NEURL1B: variants seen among roughly 807,000 people sequenced by gnomAD.
NEURL1B encodes the protein E3 ubiquitin-protein ligase NEURL1B.
In NEURL1B, 13 loss-of-function variants were observed where a neutral mutation model predicts 37.4. The observed-to-expected ratio is 0.35, with a 90% confidence interval of 0.23 to 0.55. The LOEUF (loss-of-function observed/expected upper bound fraction) is 0.55, where lower values mean the gene tolerates loss of function less well. Ranked by LOEUF, NEURL1B falls within the 20% of genes least tolerant of loss-of-function variation. NEURL1B has a pLI of 0.89. For synonymous variants in NEURL1B, 432 were observed against 426.6 expected, an observed-to-expected ratio of 1.01 and a Z score of -0.16; for missense variants, 790 against 879.2, an observed-to-expected ratio of 0.90 and a Z score of 1.28.
intron 1 of NEURL1B, among the ~76,000 whole-genome samples, chr5:172,668,054 G>T (rs1241766369): frequency 6.6e-6 from 1 of 151,940 alleles, no homozygotes; most frequent in Non-Finnish European, 1.5e-5. Context: ...ACTCATCAGG[G>T]AGGCCCTTCC....
intron 1 of NEURL1B, among the ~76,000 whole-genome samples, chr5:172,653,716 T>C (rs1382996234): frequency 1.3e-5 from 2 of 152,242 alleles, no homozygotes; most frequent in Non-Finnish European, 2.9e-5. Flanking sequence ...TATAATCCTT[T>C]TACTAAAAGT....
Position 172,683,165 on chromosome 5 carries a change from G to T in NEURL1B, c.578-254G>T, listed in dbSNP as rs1758395871. Among the ~76,000 whole-genome samples, 1 of 152,186 alleles carries T rather than the reference G, an allele frequency of 6.6e-6. No individual in the cohort carries two copies. Among genetic ancestry groups the T allele is most frequent in the Admixed American group, 6.5e-5 (1 of 15,284 alleles). On this transcript the variant is annotated intron_variant, in intron 2 of 4. Coordinates refer to ENST00000369800, the MANE Select transcript of NEURL1B (RefSeq NM_001142651.3). This position sits in a 1 kb window ranked among gnomAD's most constrained non-coding sequence, Gnocchi z 5.6. ...GAAAGGAGGAGGCAGGGGAAAAAGG[G>T]CCTTATCTGCCGCTCCCAAAGGTAA...
chr5:172,684,335 G>T (rs867485936), intron 3 of NEURL1B, among the ~76,000 whole-genome samples, 197 bp downstream of exon 3: 6 of 152,130 alleles, frequency 3.9e-5, no homozygotes, highest in Non-Finnish European at 8.8e-5. Context: ...CAGAGTTCCG[G>T]ATTCAGTGGG....
intron 2 of NEURL1B, among the ~76,000 whole-genome samples, chr5:172,673,904 C>T (rs868019050): frequency 6.6e-6 from 1 of 151,864 alleles, no homozygotes; most frequent in South Asian, 2.1e-4. Context: ...TTTGGGAGGC[C>T]GAGGCAGGCG....
At position 172,657,089 on chromosome 5, in the gene NEURL1B, C is replaced by A. The variant is rs1193255302; in HGVS notation, c.32-12696C>A. ...ATGGATGACTGGTTGGCTAGGGAAG[C>A]AATTCTGCATGATAACCAACAGCAT... is the stretch of plus-strand genomic sequence containing the variant. On this transcript the variant is annotated intron_variant, in intron 1 of 4. Transcript: ENST00000369800. The surrounding 1 kb of genome is among the most constrained non-coding windows in gnomAD (Gnocchi z 4.0). 2.6e-5 allele frequency among the ~76,000 whole-genome samples: 4 copies of A among 152,228 alleles called. No homozygotes were observed. In the East Asian group the frequency reaches 5.8e-4, roughly 22 times the overall value.
At chr5:172,674,151 A>G (rs1274451776) in intron 2 of NEURL1B, among the ~76,000 whole-genome samples, 1 of 143,178 alleles carries the variant, frequency 7.0e-6, no homozygotes, top group Non-Finnish European at 1.5e-5. Flanking sequence ...AAAAAAAAAA[A>G]TTAAATTAAA....
chr5:172,650,112 A>G (rs903052405), intron 1 of NEURL1B, among the ~76,000 whole-genome samples: 83 of 152,216 alleles, frequency 5.5e-4, no homozygotes, highest in African/African-American at 2.0e-3. Context: ...CATTGTTTAT[A>G]TCACAATTGC....
intron 2 of NEURL1B, among the ~76,000 whole-genome samples, chr5:172,671,210 C>A (rs1201621969): frequency 6.6e-6 from 1 of 152,188 alleles, no homozygotes; most frequent in Non-Finnish European, 1.5e-5. Flanking sequence ...CTCGCTCCAG[C>A]CCCGGCAACC....
intron 1 of NEURL1B, among the ~76,000 whole-genome samples, chr5:172,652,047 A>C (rs1757675736): frequency 6.6e-6 from 1 of 152,218 alleles, no homozygotes; most frequent in Non-Finnish European, 1.5e-5. Context: ...ACAAGGGCTG[A>C]CTTATTGGTA....
At chr5:172,662,951 G>A (rs1757930500) in intron 1 of NEURL1B, among the ~76,000 whole-genome samples, 1 of 150,802 alleles carries the variant, frequency 6.6e-6, no homozygotes, top group African/African-American at 2.4e-5. Flanking sequence ...GTTAGGCTGG[G>A]CATGGTGGCT....
At chr5:172,645,436 T>C (rs947937099) in intron 1 of NEURL1B, among the ~76,000 whole-genome samples, 2 of 152,200 alleles carry the variant, frequency 1.3e-5, no homozygotes, top group African/African-American at 4.8e-5. Flanking sequence ...GCTCCCTGAC[T>C]TCCCATCTGA....
intron 1 of NEURL1B, among the ~76,000 whole-genome samples, chr5:172,663,829 T>TTTTTTTTTATTATCATTATTATTATTA (rs138220033): frequency 7.1e-6 from 1 of 140,826 alleles, no homozygotes; most frequent in African/African-American, 2.6e-5. Flanking sequence ...GTTTTATTTG[T>TTTTTTTTTATTATCATTATTATTATTA]TTATTATTAT....
chr5:172,668,344 A>G (rs1758053927), intron 1 of NEURL1B, among the ~76,000 whole-genome samples: 1 of 151,996 alleles, frequency 6.6e-6, no homozygotes, highest in African/African-American at 2.4e-5. Context: ...TGGCTTTTTT[A>G]TTCCTTATAT....
Position 172,686,302 on chromosome 5 carries a change from G to C in NEURL1B, c.1423+6G>C, listed in dbSNP as rs1377184812. The stretch of plus-strand genomic sequence containing the variant: ...GGCATCTGAGTCATCCCTGGGTAAG[G>C]AAATGCAAACCCTGGCAGGGGCAGG... On this transcript the variant is annotated splice_donor_region_variant and intron_variant, in intron 4 of 4. Coordinates refer to ENST00000369800, the MANE Select transcript of NEURL1B (RefSeq NM_001142651.3). This position sits in a 1 kb window ranked among gnomAD's most constrained non-coding sequence, Gnocchi z 7.9. The C allele has an allele frequency of 6.4e-7, 1 of 1,551,576 alleles. No individual in the cohort carries two copies. Among genetic ancestry groups the C allele is most frequent in the Non-Finnish European group, 8.7e-7 (1 of 1,146,936 alleles).
At chr5:172,672,060 A>G (rs1004197762) in intron 2 of NEURL1B, among the ~76,000 whole-genome samples, 6 of 152,248 alleles carry the variant, frequency 3.9e-5, no homozygotes, top group African/African-American at 1.2e-4. Context: ...GTTACATGAG[A>G]TGATGTCTGA....
Position 172,683,438 on chromosome 5 carries a change from G to A in NEURL1B, c.597G>A (p.Thr199=), listed in dbSNP as rs1009052441. ...GCACAGAGAGCGCCTTCGCTGACAC[G>A]CTGACGCCCGCGCGCCTCAGCCAGG... The part of the protein sequence containing the change: ...VQLLESAFAD[T]LTPARLSQAR... Residue 199 remains threonine, a synonymous_variant, in exon 3 of 5, where the codon ACG becomes ACA. Transcript: ENST00000369800. This position sits in a 1 kb window ranked among gnomAD's most constrained non-coding sequence, Gnocchi z 5.6. The A allele has an allele frequency of 1.4e-6, 2 of 1,435,388 alleles. No individual in the cohort carries two copies. Among genetic ancestry groups the A allele is most frequent in the Non-Finnish European group, 9.1e-7 (1 of 1,093,906 alleles). The allele number at this position is 1,435,388 out of a possible 1,614,324, so 88.9% of individuals were successfully genotyped here. A position where few individuals can be genotyped will look rare whatever the true frequency, so the allele number is the denominator to read the frequency against.
At chr5:172,670,448 T>G in intron 2 of NEURL1B, 118 bp downstream of exon 2, 2 of 810,738 alleles carry the variant, frequency 2.5e-6, no homozygotes, top group Non-Finnish European at 3.4e-6. Flanking sequence ...GGCGTGGCAC[T>G]AAGCGCTTTA....
intron 1 of NEURL1B, among the ~76,000 whole-genome samples, chr5:172,654,369 T>C (rs1204892761): frequency 6.6e-6 from 1 of 152,188 alleles, no homozygotes; most frequent in Non-Finnish European, 1.5e-5. Flanking sequence ...ATTGTGTCTT[T>C]TTCCCTCAAT....
intron 2 of NEURL1B, among the ~76,000 whole-genome samples, chr5:172,670,759 C>G: frequency 6.6e-6 from 1 of 152,222 alleles, no homozygotes; most frequent in African/African-American, 2.4e-5. Context: ...ACTCCTTCAC[C>G]CATTCATTCA....
Sources: gnomAD v4.1 joint callset for allele counts (sites outside exome capture counted in the v4.1 genomes callset) on GRCh38, gnomAD v4.1.1 for gene constraint, Gnocchi (gnomAD v3.1) non-coding constraint, MANE v1.5 for transcripts, NCBI Gene and HGNC (gene_info 2026-07-23, HGNC 2026-07-21) for gene names.